FLCN: variants seen among roughly 807,000 people sequenced by gnomAD.
FLCN encodes folliculin.
Under a neutral mutation model 62.5 loss-of-function variants are expected in FLCN, and 22 were observed. The observed-to-expected ratio is 0.35, with a 90% confidence interval of 0.25 to 0.50. FLCN has a LOEUF of 0.50. Among genes scored for constraint, FLCN ranks in the 20% least tolerant of loss-of-function variants. The probability of loss-of-function intolerance (pLI) is 0.97; values close to 1 mark genes in which losing one functional copy is unlikely to be tolerated. For missense variants in FLCN, 657 were observed against 778.0 expected, an observed-to-expected ratio of 0.84 and a Z score of 1.85; for synonymous variants, 319 against 310.0, an observed-to-expected ratio of 1.03 and a Z score of -0.30.
intron 1 of FLCN, chr17:17,235,938 C>T (rs2047571250): frequency 1.3e-5 from 2 of 152,156 alleles, no homozygotes; most frequent in African/African-American, 2.4e-5. Context: ...GTTCATGTCC[C>T]CCTCCCACAA....
chr17:17,213,982 A>G, intron 13 of FLCN, 126 bp from the exon 14 acceptor site: 1 of 1,030,896 alleles, frequency 9.7e-7, no homozygotes, highest in Non-Finnish European at 1.5e-6. Context: ...GCTGGAATCC[A>G]CACCCTTGGG....
chr17:17,217,838 C>T (rs1201064727), intron 9 of FLCN, among the ~76,000 whole-genome samples: 1 of 152,194 alleles, frequency 6.6e-6, no homozygotes, highest in East Asian at 1.9e-4. Context: ...AGAAGCCAAA[C>T]CCAGCTTTGA....
intron 5 of FLCN, chr17:17,225,821 C>T: frequency 2.7e-6 from 1 of 369,946 alleles, no homozygotes; most frequent in South Asian, 2.4e-5. Context: ...TTTGAGGTTG[C>T]AGTGAACCAT....
At position 17,213,250 on chromosome 17, in the gene FLCN, T is replaced by C; in HGVS notation, c.*405A>G. On this transcript the variant is annotated 3_prime_UTR_variant, in exon 14 of 14. Transcript: ENST00000285071. ...AAGGCCCAGAAACTCTTGCTGAATT[T>C]CAAAGTAGAAACGCTTGAATGTTAA... The C allele has an allele frequency of 2.5e-6, 1 of 397,112 alleles. No individual in the cohort carries two copies. Among genetic ancestry groups the C allele is most frequent in the Non-Finnish European group, 4.7e-6 (1 of 212,224 alleles). 24.6% of individuals were successfully genotyped at this position (397,112 alleles called of 1,614,324 possible).
intron 3 of FLCN, among the ~76,000 whole-genome samples, chr17:17,230,181 T>C (rs905844573): frequency 2.6e-5 from 4 of 152,166 alleles, no homozygotes; most frequent in Non-Finnish European, 4.4e-5. Context: ...GTCCATACGG[T>C]GGCCACAGCT....
At chr17:17,229,694 A>C (rs1367713316) in intron 3 of FLCN, among the ~76,000 whole-genome samples, 11 of 152,218 alleles carry the variant, frequency 7.2e-5, no homozygotes. Context: ...TCTTTTTAAA[A>C]GGGGGAGTGG....
intron 8 of FLCN, 113 bp from the exon 9 acceptor site, chr17:17,219,322 G>C (rs2047019644): frequency 9.1e-6 from 10 of 1,101,750 alleles, no homozygotes; most frequent in Non-Finnish European, 1.4e-5. Flanking sequence ...GCTGCGGCCA[G>C]GTCCTATGCT....
intron 3 of FLCN, among the ~76,000 whole-genome samples, chr17:17,230,489 C>G (rs909301787): frequency 1.3e-5 from 2 of 151,402 alleles, no homozygotes; most frequent in African/African-American, 2.4e-5. Context: ...GAGATCGCAC[C>G]ACGGCACTCG....
intron 13 of FLCN, among the ~76,000 whole-genome samples, chr17:17,214,405 C>T (rs965866561): frequency 1.3e-5 from 2 of 151,678 alleles, no homozygotes; most frequent in Admixed American, 6.6e-5. Context: ...ACCAGCCTGG[C>T]CAACATGCTA....
At chr17:17,221,094 A>G (rs1428857804) in intron 8 of FLCN, 12 of 1,262,324 alleles carry the variant, frequency 9.5e-6, no homozygotes, top group Non-Finnish European at 1.2e-5. Flanking sequence ...CCCAAGCCCC[A>G]GATCAGGAAC....
At position 17,217,079 on chromosome 17, in the gene FLCN, T is replaced by C. The variant is rs1191271710; in HGVS notation, c.1166A>G (p.Glu389Gly). ...RDVDLVQSAFEVLRTMLPVGC... is the reference protein window; with the variant it reads ...RDVDLVQSAFGVLRTMLPVGC... ...AAAAGATGTTCTCACCCGAAGTACT[T>C]CAAAAGCTGACTGGACGAGGTCCAC... The change falls in exon 10 of 14, where the codon GAA becomes GGA. Residue 389 changes from glutamate to glycine, a missense_variant. Glu to Gly is a moderately conservative substitution (Grantham distance 98). Transcript: ENST00000285071. The C allele has an allele frequency of 2.5e-6, 4 of 1,611,700 alleles. No individual in the cohort carries two copies. Among genetic ancestry groups the C allele is most frequent in the Non-Finnish European group, 3.4e-6 (4 of 1,177,940 alleles).
chr17:17,232,308 C>T (rs1368280265), intron 2 of FLCN, among the ~76,000 whole-genome samples: 1 of 152,232 alleles, frequency 6.6e-6, no homozygotes, highest in East Asian at 1.9e-4. Flanking sequence ...TGAGTCGTAG[C>T]GCTCCTCATC....
Position 17,213,210 on chromosome 17 carries a change from G to A in FLCN, c.*445C>T, listed in dbSNP as rs2046803448. On this transcript the variant is annotated 3_prime_UTR_variant, in exon 14 of 14. Transcript: ENST00000285071. ...CTGAATATTCACAACTGCAGCAAAA[G>A]GTACCCTCAAACATAAGGCCCAGAA... 2.6e-6 allele frequency: 1 copy of A among 379,170 alleles called. No homozygotes were observed. Among genetic ancestry groups the A allele is most frequent in the Admixed American group, 4.2e-5 (1 of 24,054 alleles). 23.5% of individuals were successfully genotyped at this position (379,170 alleles called of 1,614,324 possible).
chr17:17,222,986 TGCACTACTTGGCTAAG>T, intron 6 of FLCN: 2 of 415,446 alleles, frequency 4.8e-6, no homozygotes, highest in South Asian at 4.1e-5. Context: ...CCCTTCTGGG[TGCACTACTTGGCTAAG>T]GCACACGTGA....
intron 5 of FLCN, 22 bp downstream of exon 5, chr17:17,226,154 G>A (rs1567822546): frequency 1.2e-6 from 2 of 1,613,984 alleles, no homozygotes; most frequent in Admixed American, 1.7e-5. Flanking sequence ...ACAGAGACAG[G>A]CTCTGTGGCC....
At chr17:17,221,053 CACACAGTGCCACGATCCCCAA>C in intron 8 of FLCN, 1 of 831,006 alleles carries the variant, frequency 1.2e-6, no homozygotes, top group Non-Finnish European at 1.7e-6. Context: ...CAGGCTGGTG[CACACAGTGCCACGATCCCCAA>C]ACACAGGGCC....
chr17:17,232,209 G>A (rs987353601), intron 2 of FLCN, among the ~76,000 whole-genome samples: 8 of 152,190 alleles, frequency 5.3e-5, no homozygotes, highest in South Asian at 2.1e-4. Context: ...CTCACCACTC[G>A]GCCTCCACTT....
rs753685944 is a variant in FLCN at position 17,215,267 on chromosome 17, G to T, written c.1350C>A (p.His450Gln). 5.6e-6 allele frequency: 9 copies of T among 1,614,000 alleles called. No homozygotes were observed. The South Asian group carries it at 8.8e-5, about 16-fold the overall frequency. ...ACTGGTCATCCTCACACCCCACAGG[G>T]TGGAGGGTGGAACGTGCGGCTGCGT... ...EVHAAARSTL[H>Q]PVGCEDDQSL... The change falls in exon 12 of 14, where the codon CAC becomes CAA. Residue 450 changes from histidine (H) to glutamine (Q), a missense_variant. Transcript: ENST00000285071.
Position 17,223,948 on chromosome 17 carries a change from C to T in FLCN, c.592G>A (p.Asp198Asn), listed in dbSNP as rs200168437. ...TTGAGCGCCTTGCCCTGGAGCTCATCGATGATTCCCCGGACCTTCCCCAGC... is the reference window on the plus strand; with the variant it reads ...TTGAGCGCCTTGCCCTGGAGCTCATTGATGATTCCCCGGACCTTCCCCAGC... ...FLLGKVRGII[D>N]ELQGKALKVF... is the part of the protein sequence containing the mutation. The change falls in exon 6 of 14, where the codon GAT becomes AAT. Residue 198 changes from aspartate (D) to asparagine (N), a missense_variant. Asp to Asn is a conservative substitution (Grantham distance 23, BLOSUM62 1). Coordinates refer to ENST00000285071, the MANE Select transcript of FLCN (RefSeq NM_144997.7). 494 of 1,613,400 alleles carry T rather than the reference C, an allele frequency of 3.1e-4. 1 individual carries two copies. Among genetic ancestry groups the T allele is most frequent in the Non-Finnish European group, 3.9e-4 (464 of 1,180,038 alleles).
Sources: allele counts gnomAD v4.1 joint callset (sites outside exome capture counted in the v4.1 genomes callset), GRCh38; gene constraint gnomAD v4.1.1; transcripts MANE v1.5; gene names NCBI Gene and HGNC (gene_info 2026-07-23, HGNC 2026-07-21).